The following SLIT2 variants were observed in gnomAD, a reference collection of about 807,000 sequenced individuals.
SLIT2 encodes slit homolog 2 protein.
SLIT2 carries 41 observed loss-of-function variants against 185.7 expected under a neutral mutation model. That is an observed-to-expected ratio of 0.22 (90% confidence interval 0.17 to 0.29). The LOEUF (loss-of-function observed/expected upper bound fraction) is 0.29, where lower values mean the gene tolerates loss of function less well. Among genes scored for constraint, SLIT2 ranks in the 10% least tolerant of loss-of-function variants. The pLI, the probability that SLIT2 is intolerant of heterozygous loss-of-function variation, is 1.00. For synonymous variants in SLIT2, 693 were observed against 680.2 expected (o/e 1.02, Z -0.29); for missense variants, 1,571 against 1,909.0 (o/e 0.82, Z 3.30).
At chr4:20,483,698 A>G (rs77767578) in intron 6 of SLIT2, among the ~76,000 whole-genome samples, 1,603 of 152,164 alleles carry the variant, frequency 0.011, 34 homozygotes, top group African/African-American at 0.037. Context: ...GTGCTCCATG[A>G]TTATACAGGC....
At chr4:20,398,175 G>A (rs972682947) in intron 4 of SLIT2, among the ~76,000 whole-genome samples, 1 of 151,754 alleles carries the variant, frequency 6.6e-6, no homozygotes, top group Non-Finnish European at 1.5e-5. Flanking sequence ...GTGGGGTTGA[G>A]CAAGAGAACA....
chr4:20,405,097 A>T (rs1726676053), intron 4 of SLIT2, among the ~76,000 whole-genome samples: 1 of 151,908 alleles, frequency 6.6e-6, no homozygotes, highest in Non-Finnish European at 1.5e-5. Context: ...TACATATAAC[A>T]CATGATTTCT....
At chr4:20,268,165 A>G (rs1210180712) in intron 3 of SLIT2, among the ~76,000 whole-genome samples, 1 of 151,902 alleles carries the variant, frequency 6.6e-6, no homozygotes, top group African/African-American at 2.4e-5. Flanking sequence ...AAACATTCCA[A>G]TTTACTTAGA....
chr4:20,464,930 C>T (rs1236600154), intron 4 of SLIT2, among the ~76,000 whole-genome samples: 1 of 152,186 alleles, frequency 6.6e-6, no homozygotes, highest in East Asian at 1.9e-4. Context: ...AGGAAATTGG[C>T]CTTACCCAAC....
intron 4 of SLIT2, among the ~76,000 whole-genome samples, chr4:20,310,970 A>G (rs1718054152): frequency 6.6e-6 from 1 of 152,208 alleles, no homozygotes. Flanking sequence ...TTATAGCTGT[A>G]AACTCTTGGG....
intron 4 of SLIT2, among the ~76,000 whole-genome samples, chr4:20,460,578 C>A (rs1713592353): frequency 6.6e-6 from 1 of 152,082 alleles, no homozygotes; most frequent in Non-Finnish European, 1.5e-5. Flanking sequence ...GAACTTATTC[C>A]TCCTGTGTAA....
chr4:20,293,885 C>T (rs564701701), intron 4 of SLIT2, among the ~76,000 whole-genome samples: 129 of 151,806 alleles, frequency 8.5e-4, no homozygotes, highest in African/African-American at 3.0e-3. Context: ...AGACTCTGTG[C>T]TGCCTGGTCT....
chr4:20,552,595 C>T (rs981615991), intron 25 of SLIT2: 2 of 152,022 alleles, frequency 1.3e-5, no homozygotes, highest in African/African-American at 4.8e-5. Flanking sequence ...TCATTTTGCT[C>T]ATTTTTAATT....
chr4:20,556,491 G>A (rs1372271032), intron 26 of SLIT2, among the ~76,000 whole-genome samples: 1 of 151,744 alleles, frequency 6.6e-6, no homozygotes, highest in East Asian at 1.9e-4. Flanking sequence ...TCTGAAAAAA[G>A]TTGCATATTT....
At chr4:20,564,028 GA>G (rs759736256) in intron 26 of SLIT2, among the ~76,000 whole-genome samples, 28 of 151,796 alleles carry the variant, frequency 1.8e-4, no homozygotes, top group Non-Finnish European at 3.8e-4. Flanking sequence ...ATCAAGTGTG[GA>G]AAATTCTGCC....
chr4:20,453,737 A>G (rs146338643), intron 4 of SLIT2, among the ~76,000 whole-genome samples: 63 of 152,354 alleles, frequency 4.1e-4, no homozygotes, highest in African/African-American at 1.4e-3. Flanking sequence ...AGAAATATGC[A>G]GTATTGCACA....
chr4:20,376,178 C>G (rs1348172125), intron 4 of SLIT2, among the ~76,000 whole-genome samples: 1 of 131,764 alleles, frequency 7.6e-6, no homozygotes, highest in Non-Finnish European at 1.5e-5. Flanking sequence ...TACAAGACAC[C>G]TGGATTCTTC....
chr4:20,322,429 T>TC, intron 4 of SLIT2, among the ~76,000 whole-genome samples: 1 of 152,312 alleles, frequency 6.6e-6, no homozygotes, highest in East Asian at 1.9e-4. Flanking sequence ...CATAGGTAGA[T>TC]AAGAGACAAA....
intron 4 of SLIT2, among the ~76,000 whole-genome samples, chr4:20,420,890 A>G (rs1273546428): frequency 1.3e-5 from 2 of 152,154 alleles, no homozygotes; most frequent in Non-Finnish European, 2.9e-5. Flanking sequence ...GCAAGAAGAA[A>G]GCCAGGAAGA....
chr4:20,530,288 G>C (rs569858627), intron 16 of SLIT2, among the ~76,000 whole-genome samples: 10 of 135,528 alleles, frequency 7.4e-5, no homozygotes, highest in Non-Finnish European at 1.3e-4. Flanking sequence ...TTTTTTTTTT[G>C]AGACAGAGTC....
At chr4:20,519,507 T>G (rs1720625344) in intron 12 of SLIT2, 54 bp downstream of exon 12, 1 of 1,057,012 alleles carries the variant, frequency 9.5e-7, no homozygotes, top group African/African-American at 1.6e-5. Flanking sequence ...TATTAGCCAT[T>G]TTGTTGTCTC....
At chr4:20,260,256 C>T (rs1333687443) in intron 3 of SLIT2, among the ~76,000 whole-genome samples, 5 of 151,560 alleles carry the variant, frequency 3.3e-5, no homozygotes, top group African/African-American at 1.2e-4. Context: ...TCAAAAGCTG[C>T]AAGAGACAAT....
In SLIT2 at chr4:20,519,153, A is replaced by G. The variant is rs548538266; in HGVS notation, c.1059-229A>G. ...ATGCAAGTGGAAATGATATATACATATATAAAATGTTCTTTATTTTTCTGT... is the reference window on the plus strand; with the variant it reads ...ATGCAAGTGGAAATGATATATACATGTATAAAATGTTCTTTATTTTTCTGT... On this transcript the variant is annotated intron_variant, in intron 11 of 36. Coordinates refer to ENST00000504154, the MANE Select transcript of SLIT2 (RefSeq NM_004787.4). 7.4e-4 allele frequency among the ~76,000 whole-genome samples: 113 copies of G among 152,320 alleles called. 1 individual carries two copies. Among genetic ancestry groups the G allele is most frequent in the African/African-American group, 2.5e-3 (102 of 41,586 alleles).
chr4:20,358,237 G>T (rs937049620), intron 4 of SLIT2, among the ~76,000 whole-genome samples: 1 of 152,008 alleles, frequency 6.6e-6, no homozygotes, highest in African/African-American at 2.4e-5. Flanking sequence ...TTCAGTTAAG[G>T]TAAGTTATAT....
Sources: gnomAD v4.1 joint callset for allele counts (sites outside exome capture counted in the v4.1 genomes callset) on GRCh38, gnomAD v4.1.1 for gene constraint, MANE v1.5 for transcripts, NCBI Gene and HGNC (gene_info 2026-07-23, HGNC 2026-07-21) for gene names.